Variants in CMIP observed in about 807,000 individuals in gnomAD.
The protein encoded by CMIP is C-Maf-inducing protein.
A neutral mutation model predicts 97.3 loss-of-function variants in CMIP; 13 were observed. That is an observed-to-expected ratio of 0.13 (90% CI 0.09 to 0.21). CMIP has a LOEUF of 0.21. CMIP is among the 10% of genes least tolerant of loss of function. The probability of loss-of-function intolerance (pLI) is 1.00; values close to 1 mark genes in which losing one functional copy is unlikely to be tolerated. For missense variants in CMIP, 847 were observed against 1,024.9 expected (o/e 0.83, Z 2.37); for synonymous variants, 538 against 436.3 (o/e 1.23, Z -2.91).
At chr16:81,685,125 C>T (rs1335598713) in intron 10 of CMIP, among the ~76,000 whole-genome samples, 1 of 152,230 alleles carries the variant, frequency 6.6e-6, no homozygotes, top group African/African-American at 2.4e-5. Flanking sequence ...CCAGCGCCCC[C>T]CATTCATCCA....
At chr16:81,536,470 G>T (rs1170904126) in intron 1 of CMIP, among the ~76,000 whole-genome samples, 1 of 152,156 alleles carries the variant, frequency 6.6e-6, no homozygotes, top group Non-Finnish European at 1.5e-5. Flanking sequence ...TAAAAAAATG[G>T]TGATAAGATA....
At chr16:81,706,632 C>T (rs760167512) in intron 19 of CMIP, among the ~76,000 whole-genome samples, 3 of 152,208 alleles carry the variant, frequency 2.0e-5, no homozygotes, top group Non-Finnish European at 2.9e-5. Context: ...TTTCAAGAAG[C>T]AGCACCGAGT....
intron 3 of CMIP, among the ~76,000 whole-genome samples, chr16:81,634,651 A>G (rs72829096): frequency 0.024 from 3,617 of 152,292 alleles, 73 homozygotes; most frequent in Non-Finnish European, 0.038. Context: ...CTTCTCCTAT[A>G]TTCAAGCATG....
intron 3 of CMIP, among the ~76,000 whole-genome samples, chr16:81,628,693 A>C (rs2092108166): frequency 6.6e-6 from 1 of 152,034 alleles, no homozygotes; most frequent in Non-Finnish European, 1.5e-5. Flanking sequence ...CGCTACCCAG[A>C]CACTTCTCAC....
rs142887975 is a variant in CMIP, at chr16:81,705,175, C to T, written c.2092-324C>T. On this transcript the variant is annotated intron_variant, in intron 18 of 20. Coordinates refer to ENST00000537098, the MANE Select transcript of CMIP (RefSeq NM_198390.3). ...GGCCCAGCCCTGTCCTTCCACTGTC[C>T]ACCCAGCAGGAGAAAGCCACCTAGG... 1.4e-3 allele frequency among the ~76,000 whole-genome samples: 208 copies of T among 152,314 alleles called. 1 individual carries two copies. Among genetic ancestry groups the T allele is most frequent in the Non-Finnish European group, 2.1e-3 (145 of 68,020 alleles).
intron 1 of CMIP, among the ~76,000 whole-genome samples, chr16:81,461,436 C>A (rs189105702): frequency 2.0e-5 from 3 of 152,214 alleles, no homozygotes; most frequent in African/African-American, 7.2e-5. Context: ...TTGCCTTGAC[C>A]GTGGTAGACA....
chr16:81,639,889 C>T (rs916260424), intron 3 of CMIP, among the ~76,000 whole-genome samples: 5 of 152,156 alleles, frequency 3.3e-5, no homozygotes, highest in African/African-American at 1.2e-4. Context: ...CTGATAGAGT[C>T]ATTTGGGGCA....
chr16:81,505,810 G>A (rs1026975473), intron 1 of CMIP, among the ~76,000 whole-genome samples: 5 of 152,122 alleles, frequency 3.3e-5, no homozygotes, highest in Non-Finnish European at 7.3e-5. Context: ...GACCAACATG[G>A]CAAAACCCTG....
intron 10 of CMIP, among the ~76,000 whole-genome samples, chr16:81,684,396 C>T (rs1905177201): frequency 6.6e-6 from 1 of 152,232 alleles, no homozygotes; most frequent in Non-Finnish European, 1.5e-5. Context: ...AGCATCAGGC[C>T]ACCGTGAGGC....
chr16:81,632,644 C>T (rs765719849), intron 3 of CMIP, among the ~76,000 whole-genome samples: 1 of 152,208 alleles, frequency 6.6e-6, no homozygotes, highest in Non-Finnish European at 1.5e-5. Flanking sequence ...CAGTACAAGG[C>T]GGTTTGCTGC....
At chr16:81,484,168 CAG>C (rs2089276813) in intron 1 of CMIP, among the ~76,000 whole-genome samples, 1 of 152,124 alleles carries the variant, frequency 6.6e-6, no homozygotes, top group Non-Finnish European at 1.5e-5. Flanking sequence ...CAGGTCAGCT[CAG>C]GGGCCCACCA....
At chr16:81,592,746 G>A (rs2091485448) in intron 1 of CMIP, among the ~76,000 whole-genome samples, 1 of 152,222 alleles carries the variant, frequency 6.6e-6, no homozygotes, top group Non-Finnish European at 1.5e-5. Flanking sequence ...GAACTGGGGA[G>A]TCTTAGCAGT....
At chr16:81,483,527 C>T (rs1192395721) in intron 1 of CMIP, among the ~76,000 whole-genome samples, 1 of 152,096 alleles carries the variant, frequency 6.6e-6, no homozygotes, top group Non-Finnish European at 1.5e-5. Context: ...CTCTGAAGAC[C>T]GAAGTGCCTC....
chr16:81,471,400 A>G lies in CMIP; in HGVS notation c.300+25859A>G, dbSNP rs199980166. Among the ~76,000 whole-genome samples the G allele has an allele frequency of 1.1e-4, 15 of 141,904 alleles. No homozygotes were observed. In the East Asian group the frequency reaches 3.1e-3, roughly 29 times the overall value. The allele number at this position is 141,904 out of a possible 152,430, so 93.1% of individuals were successfully genotyped here. A position where few individuals can be genotyped will look rare whatever the true frequency, so the allele number is the denominator to read the frequency against. ...TACATGTGCATATGCATATACACGTACAAATGCATACACACATACATGTAC... is the reference window on the plus strand; with the variant it reads ...TACATGTGCATATGCATATACACGTGCAAATGCATACACACATACATGTAC... On this transcript the variant is annotated intron_variant, in intron 1 of 20. Coordinates refer to ENST00000537098, the MANE Select transcript of CMIP (RefSeq NM_198390.3).
intron 1 of CMIP, among the ~76,000 whole-genome samples, chr16:81,523,838 G>C (rs1277314246): frequency 1.3e-5 from 2 of 152,182 alleles, no homozygotes; most frequent in African/African-American, 4.8e-5. Flanking sequence ...CTTTAGCTAG[G>C]AGCCTGGATG....
chr16:81,512,407 A>T (rs2089831856), intron 1 of CMIP, among the ~76,000 whole-genome samples: 1 of 152,164 alleles, frequency 6.6e-6, no homozygotes, highest in African/African-American at 2.4e-5. Context: ...GGCACCAGCA[A>T]TCACTGCTCA....
At chr16:81,514,225 T>C (rs201529479) in intron 1 of CMIP, among the ~76,000 whole-genome samples, 109 of 152,232 alleles carry the variant, frequency 7.2e-4, no homozygotes, top group African/African-American at 2.6e-3. Context: ...AGGGTAGGTG[T>C]CCCAGCCCAT....
chr16:81,682,003 G>GACC, intron 10 of CMIP, among the ~76,000 whole-genome samples: 1 of 152,174 alleles, frequency 6.6e-6, no homozygotes, highest in East Asian at 1.9e-4. Context: ...GAGGCCTCAA[G>GACC]ACCAGCCTGG....
Position 81,693,486 on chromosome 16 carries a change from A to T in CMIP, c.1529A>T (p.Glu510Val). ...AGGTTCGCCGAAGACCCCAGGCAAG[A>T]GGTGAGGCCTTTGTTTCTGCATCTC... ...IQRFAEDPRQ[E>V]VHSCLLSVRA... The change falls in exon 13 of 21, where the codon GAG becomes GTG. Residue 510 changes from glutamate to valine, a missense_variant and splice_region_variant. By Grantham distance (121) the Glu-to-Val change is moderately radical (BLOSUM62 -2). Around this residue, in one of 4 missense-constraint regions of CMIP, gnomAD observed 266 missense variants for 384.2 expected, o/e 0.69. Transcript: ENST00000537098. 6.2e-7 allele frequency: 1 copy of T among 1,612,108 alleles called. No homozygotes were observed. The highest frequency in any genetic ancestry group is 8.5e-7 in the Non-Finnish European group (1 of 1,178,976).
Sources: gnomAD v4.1 joint callset for allele counts (sites outside exome capture counted in the v4.1 genomes callset) on GRCh38, gnomAD v4.1.1 for gene constraint, gnomAD v4.1.1 regional missense constraint, MANE v1.5 for transcripts, NCBI Gene and HGNC (gene_info 2026-07-23, HGNC 2026-07-21) for gene names.